The following CHRM2 variants were observed in gnomAD, a reference collection of about 807,000 sequenced individuals.
CHRM2 encodes the protein muscarinic acetylcholine receptor M2.
CHRM2 carries 8 observed loss-of-function variants against 25.0 expected under a neutral mutation model. That is an observed-to-expected ratio of 0.32 (90% CI 0.19 to 0.58). The LOEUF is 0.58. CHRM2 is among the 20% of genes least tolerant of loss of function. The probability of loss-of-function intolerance (pLI) is 0.88; values close to 1 mark genes in which losing one functional copy is unlikely to be tolerated. For synonymous variants in CHRM2, 202 were observed against 205.7 expected, an observed-to-expected ratio of 0.98 and a Z score of 0.15; for missense variants, 440 against 567.1, an observed-to-expected ratio of 0.78 and a Z score of 2.28.
At chr7:136,913,761 A>C (rs1383315119) in intron 2 of CHRM2, among the ~76,000 whole-genome samples, 1 of 151,958 alleles carries the variant, frequency 6.6e-6, no homozygotes, top group Non-Finnish European at 1.5e-5. Flanking sequence ...TTATTTTAAA[A>C]AATTATAAAG....
chr7:136,962,592 T>G (rs1216940296), intron 2 of CHRM2, among the ~76,000 whole-genome samples: 1 of 152,196 alleles, frequency 6.6e-6, no homozygotes. Context: ...AACTGTCCAC[T>G]TAATTGAAAG....
intron 2 of CHRM2, among the ~76,000 whole-genome samples, chr7:136,965,552 A>ACT (rs1220132157): frequency 2.0e-5 from 3 of 152,072 alleles, no homozygotes; most frequent in African/African-American, 7.2e-5. Context: ...AGGTCCAGAT[A>ACT]CTCTAAAAGA....
chr7:136,968,709 T>A (rs1047861834), intron 2 of CHRM2, among the ~76,000 whole-genome samples: 4 of 127,386 alleles, frequency 3.1e-5, no homozygotes, highest in Admixed American at 8.2e-5. Context: ...TTATATATAT[T>A]GTATTATCAT....
chr7:136,993,431 TTTTTA>T (rs1360177512), intron 3 of CHRM2, among the ~76,000 whole-genome samples: 1 of 152,208 alleles, frequency 6.6e-6, no homozygotes, highest in Non-Finnish European at 1.5e-5. Flanking sequence ...GGGCCAATTG[TTTTTA>T]GATAAACAAA....
chr7:136,905,913 T>G (rs1439027444), intron 2 of CHRM2, among the ~76,000 whole-genome samples: 1 of 151,534 alleles, frequency 6.6e-6, no homozygotes, highest in African/African-American at 2.4e-5. Context: ...TATCATTCCA[T>G]GTTTTTCTGG....
intron 2 of CHRM2, among the ~76,000 whole-genome samples, chr7:136,977,394 TTTTTC>T (rs767284609): frequency 1.3e-5 from 2 of 152,204 alleles, no homozygotes; most frequent in Non-Finnish European, 2.9e-5. Flanking sequence ...GAATCTTTTT[TTTTTC>T]TTTTTTCTTT....
At chr7:137,012,822 G>A (rs1297925329) in intron 3 of CHRM2, among the ~76,000 whole-genome samples, 2 of 151,830 alleles carry the variant, frequency 1.3e-5, no homozygotes, top group East Asian at 3.9e-4. Context: ...TGAGACAAGT[G>A]TTTCTTAATA....
chr7:136,918,585 T>G (rs142499371), intron 2 of CHRM2, among the ~76,000 whole-genome samples: 1 of 151,964 alleles, frequency 6.6e-6, no homozygotes, highest in African/African-American at 2.4e-5. Flanking sequence ...AAAAAAATAT[T>G]TATTTATTTA....
chr7:136,930,158 CATGGTG>C (rs1462921334), intron 2 of CHRM2, among the ~76,000 whole-genome samples: 5 of 152,158 alleles, frequency 3.3e-5, no homozygotes, highest in Admixed American at 3.3e-4. Flanking sequence ...AGAGGCCGGG[CATGGTG>C]GCTCACACCA....
chr7:136,968,492 C>T (rs927823625), intron 2 of CHRM2, among the ~76,000 whole-genome samples: 2 of 151,682 alleles, frequency 1.3e-5, no homozygotes, highest in South Asian at 4.2e-4. Context: ...ACTAAAAATG[C>T]AATTACCATA....
intron 2 of CHRM2, among the ~76,000 whole-genome samples, chr7:136,974,476 G>T (rs956785152): frequency 6.6e-6 from 1 of 152,102 alleles, no homozygotes; most frequent in Admixed American, 6.5e-5. Flanking sequence ...CGCTTTACTT[G>T]GGAAGAGGGC....
intron 3 of CHRM2, among the ~76,000 whole-genome samples, chr7:137,003,113 T>C (rs1481518334): frequency 2.0e-5 from 3 of 152,138 alleles, no homozygotes; most frequent in African/African-American, 4.8e-5. Context: ...CACAGTTAAC[T>C]GGGTACGAAG....
chr7:136,872,026 AC>A (rs1197407534), intron 2 of CHRM2: 1 of 152,332 alleles, frequency 6.6e-6, no homozygotes, highest in East Asian at 1.9e-4. Context: ...AAAAAATTTA[AC>A]CTGACCCTAA....
At chr7:136,934,265 TCTTC>T (rs1482097353) in intron 2 of CHRM2, among the ~76,000 whole-genome samples, 1 of 152,132 alleles carries the variant, frequency 6.6e-6, no homozygotes, top group African/African-American at 2.4e-5. Flanking sequence ...CCTCTCTTGT[TCTTC>T]CTTCTCTTGA....
chr7:136,963,025 G>T (rs1030246818), intron 2 of CHRM2, among the ~76,000 whole-genome samples: 1 of 151,948 alleles, frequency 6.6e-6, no homozygotes, highest in Non-Finnish European at 1.5e-5. Context: ...TAGTTTTTAC[G>T]AAAAAAGAAT....
chr7:136,945,086 T>C (rs968072293), intron 2 of CHRM2, among the ~76,000 whole-genome samples: 1 of 152,074 alleles, frequency 6.6e-6, no homozygotes, highest in African/African-American at 2.4e-5. Flanking sequence ...TTTTTTGTTT[T>C]TTTTTCTTCT....
intron 2 of CHRM2, among the ~76,000 whole-genome samples, chr7:136,965,632 A>C (rs1801368046): frequency 6.6e-6 from 1 of 152,076 alleles, no homozygotes; most frequent in South Asian, 2.1e-4. Context: ...ATCTTGACGA[A>C]GAAGAAAAAG....
At chr7:136,887,934 G>A (rs774521199) in intron 2 of CHRM2, among the ~76,000 whole-genome samples, 9 of 151,994 alleles carry the variant, frequency 5.9e-5, no homozygotes, top group Non-Finnish European at 1.0e-4. Context: ...TTTGATTACC[G>A]AGAAAACCTC....
At position 137,015,429 on chromosome 7, in the gene CHRM2, T is replaced by C. The variant is rs1805106266; in HGVS notation, c.564T>C (p.Phe188=). The C allele has an allele frequency of 2.5e-6, 4 of 1,613,504 alleles. No homozygotes were observed. The highest frequency in any genetic ancestry group is 3.4e-6 in the Non-Finnish European group (4 of 1,179,648). ...IQFFSNAAVT[F]GTAIAAFYLP... ...TTTTTTCCAATGCTGCTGTCACCTT[T>C]GGTACGGCTATTGCAGCCTTCTATT... The change falls in exon 4 of 4, where the codon TTT becomes TTC. Residue 188 remains phenylalanine, a synonymous_variant. Coordinates refer to ENST00000680005, the MANE Select transcript of CHRM2 (RefSeq NM_001006630.2). The surrounding 1 kb of genome is among the most constrained non-coding windows in gnomAD (Gnocchi z 5.1).
Sources: allele counts gnomAD v4.1 joint callset (sites outside exome capture counted in the v4.1 genomes callset), GRCh38; gene constraint gnomAD v4.1.1; non-coding constraint Gnocchi (gnomAD v3.1); transcripts MANE v1.5; gene names NCBI Gene and HGNC (gene_info 2026-07-23, HGNC 2026-07-21).